Variants in ENG observed in about 807,000 individuals in gnomAD.
The protein encoded by ENG is CD105 antigen.
In ENG, 17 loss-of-function variants were observed where a neutral mutation model predicts 71.0. The ratio of observed to expected loss-of-function variants is 0.24; its 90% CI spans 0.16 to 0.36. The LOEUF is 0.36. Among genes scored for constraint, ENG ranks in the 10% least tolerant of loss-of-function variants. ENG has a pLI of 1.00. For missense variants in ENG, 749 were observed against 868.3 expected, an observed-to-expected ratio of 0.86 and a Z score of 1.73; for synonymous variants, 360 against 366.9, an observed-to-expected ratio of 0.98 and a Z score of 0.21.
chr9:127,850,496 T>C (rs1393792362), intron 1 of ENG, among the ~76,000 whole-genome samples: 1 of 152,160 alleles, frequency 6.6e-6, no homozygotes, highest in Non-Finnish European at 1.5e-5. Context: ...AGAATGCTAA[T>C]GGTCACGTCC....
intron 11 of ENG, 134 bp downstream of exon 11, chr9:127,818,582 C>G: frequency 7.3e-7 from 1 of 1,369,158 alleles, no homozygotes; most frequent in Non-Finnish European, 1.0e-6. Context: ...TCTGTCTCTC[C>G]CTCTCCCGTG....
chr9:127,825,723 G>A lies in ENG; in HGVS notation c.661C>T (p.Leu221=). Residue 221 remains leucine (L), a synonymous_variant, in exon 5 of 15, where the codon CTG becomes TTG. Transcript: ENST00000373203. The part of the protein sequence containing the change: ...GVAGHKEAHI[L]RVLPGHSAGP... ...GCCGAGTGGCCCGGCAGGACCCTCA[G>A]GATGTGCGCCTCCTTGTGGCCGGCC... The A allele has an allele frequency of 6.3e-7, 1 of 1,596,080 alleles. No individual in the cohort carries two copies. Among genetic ancestry groups the A allele is most frequent in the Non-Finnish European group, 8.5e-7 (1 of 1,174,212 alleles).
At chr9:127,839,428 C>T (rs76001241) in intron 2 of ENG, among the ~76,000 whole-genome samples, 980 of 152,328 alleles carry the variant, frequency 6.4e-3, no homozygotes, top group Middle Eastern at 0.01. Flanking sequence ...CTGGCAGCAT[C>T]ATGGGCTCAA....
chr9:127,833,648 C>T (rs961239431), intron 2 of ENG, among the ~76,000 whole-genome samples: 2 of 152,030 alleles, frequency 1.3e-5, no homozygotes, highest in African/African-American at 4.8e-5. Context: ...CAAAAGCTGC[C>T]AGTCTAAAAG....
chr9:127,842,818 C>G (rs1831071183), intron 2 of ENG, among the ~76,000 whole-genome samples: 1 of 148,616 alleles, frequency 6.7e-6, no homozygotes, highest in African/African-American at 2.6e-5. Flanking sequence ...ATAAGCAACA[C>G]TCACCTGGTC....
intron 3 of ENG, among the ~76,000 whole-genome samples, chr9:127,828,019 CAAAAAAAAAAAAA>C (rs997493323): frequency 2.9e-4 from 9 of 31,208 alleles, no homozygotes; most frequent in African/African-American, 8.1e-4. Flanking sequence ...AACTCCATCT[CAAAAAAAAAAAAA>C]AAAAAAAAAA....
At position 127,825,370 on chromosome 9, in the gene ENG, AGACGCGGAT is replaced by A. The variant is rs752983157; in HGVS notation, c.690-22_690-14del. ...CACCGTCCGGGGCCTGCGGGGAGAC[AGACGCGGAT>A]GGAACACTGAAGCGGACAGGCCAGG... is the stretch of plus-strand genomic sequence containing the variant. On this transcript the variant is annotated splice_polypyrimidine_tract_variant and intron_variant, in intron 5 of 14. Transcript: ENST00000373203. The A allele has an allele frequency of 1.2e-6, 2 of 1,608,028 alleles. No homozygotes were observed. Among genetic ancestry groups the A allele is most frequent in the Non-Finnish European group, 1.7e-6 (2 of 1,179,438 alleles).
chr9:127,848,446 C>G (rs41422444), intron 1 of ENG, among the ~76,000 whole-genome samples: 6,302 of 152,186 alleles, frequency 0.041, 227 homozygotes, highest in African/African-American at 0.097. Context: ...TTATGCCCAA[C>G]TAAATTTTAA....
chr9:127,853,840 T>TC (rs966043639), intron 1 of ENG, among the ~76,000 whole-genome samples: 3 of 152,096 alleles, frequency 2.0e-5, no homozygotes, highest in African/African-American at 7.2e-5. Flanking sequence ...CCGAAGGCAG[T>TC]CCCCCAGGAT....
rs915851248 is a variant in ENG at position 127,815,474 on chromosome 9, G to T, written c.*208C>A. On this transcript the variant is annotated 3_prime_UTR_variant, in exon 15 of 15. Coordinates refer to ENST00000373203, the MANE Select transcript of ENG (RefSeq NM_001114753.3). ...ATATCCCAGACCCACTGGGTTGAAG[G>T]TTCTGTGGGGTGGAGGGACCCCAAG... 2.0e-6 allele frequency: 2 copies of T among 981,054 alleles called. No individual in the cohort carries two copies. The highest frequency in any genetic ancestry group is 1.6e-5 in the African/African-American group (1 of 60,988). 60.8% of individuals were successfully genotyped at this position (981,054 alleles called of 1,614,324 possible).
chr9:127,830,176 T>C (rs908621200), intron 2 of ENG, among the ~76,000 whole-genome samples: 3 of 150,900 alleles, frequency 2.0e-5, no homozygotes, highest in South Asian at 2.1e-4. Context: ...ACCCCATCTG[T>C]ACTAAAAATA....
intron 1 of ENG, among the ~76,000 whole-genome samples, chr9:127,848,516 G>A (rs1049628576): frequency 3.3e-5 from 5 of 152,120 alleles, no homozygotes; most frequent in African/African-American, 4.8e-5. Flanking sequence ...ATGCCTGGCC[G>A]CAAGTGATCC....
chr9:127,848,371 C>A (rs1451603969), intron 1 of ENG, among the ~76,000 whole-genome samples: 1 of 151,834 alleles, frequency 6.6e-6, no homozygotes, highest in African/African-American at 2.4e-5. Context: ...CTCACTGCAA[C>A]CTCCACCTCC....
chr9:127,826,409 C>G, intron 4 of ENG, 101 bp downstream of exon 4: 1 of 1,497,480 alleles, frequency 6.7e-7, no homozygotes, highest in South Asian at 1.2e-5. Flanking sequence ...AGCGTGTCCC[C>G]TCCTGCACTC....
chr9:127,844,596 A>C (rs1056732153), intron 1 of ENG, among the ~76,000 whole-genome samples: 14 of 151,328 alleles, frequency 9.3e-5, no homozygotes, highest in Non-Finnish European at 1.5e-4. Context: ...CATCCAGCTA[A>C]TTTTTGCATT....
At position 127,825,830 on chromosome 9, in the gene ENG, TC is replaced by T; in HGVS notation, c.553del (p.Glu185LysfsTer37). 6.3e-7 allele frequency: 1 copy of T among 1,597,856 alleles called. No homozygotes were observed. The highest frequency in any genetic ancestry group is 1.1e-5 in the South Asian group (1 of 88,530). On this transcript the variant is annotated frameshift_variant, in exon 5 of 15. Transcript: ENST00000373203. LOFTEE classifies it high-confidence loss of function. Reference sequence around the variant, plus strand: ...CGTGCGGCCCATGTCCTGGCTGGCTTCCAGCATGCAGAAGGACAGTGACCCC... The same window carrying T: ...CGTGCGGCCCATGTCCTGGCTGGCTTCAGCATGCAGAAGGACAGTGACCCC... Reference protein sequence around the residue: ...AQGSLSFCMLEASQDMGRTLE... With the variant: ...AQGSLSFCMLXASQDMGRTLE...
At position 127,818,703 on chromosome 9, in the gene ENG, G is replaced by A. The variant is rs1219762317; in HGVS notation, c.1428+13C>T. On this transcript the variant is annotated intron_variant, in intron 11 of 14. Transcript: ENST00000373203. ...AGCTGGGAGGCCCGAGGGGTGACAG[G>A]CATGCCAGGTACCTGCACAAAGCTC... The A allele has an allele frequency of 1.2e-6, 2 of 1,612,998 alleles. No homozygotes were observed. The highest frequency in any genetic ancestry group is 1.7e-6 in the Non-Finnish European group (2 of 1,179,104).
rs1362964444 is a variant in ENG at position 127,850,620 on chromosome 9, C to A, written c.67+3669G>T. Reference sequence around the variant, plus strand: ...TAAGAGACAGGTGTTTGTGGTCTCGCTCTTGCGCCACTGACCCTTCTCCAG... The same window carrying A: ...TAAGAGACAGGTGTTTGTGGTCTCGATCTTGCGCCACTGACCCTTCTCCAG... On this transcript the variant is annotated intron_variant, in intron 1 of 14. Coordinates refer to ENST00000373203, the MANE Select transcript of ENG (RefSeq NM_001114753.3). Among the ~76,000 whole-genome samples the A allele has an allele frequency of 1.3e-5, 2 of 152,218 alleles. 1 individual carries two copies. Among genetic ancestry groups the A allele is most frequent in the South Asian group, 4.1e-4 (2 of 4,828 alleles).
intron 8 of ENG, 108 bp downstream of exon 8, chr9:127,824,196 G>T: frequency 6.6e-7 from 1 of 1,507,258 alleles, no homozygotes. Flanking sequence ...GGCTTGCAGA[G>T]GGACGTGACT....
Sources: allele counts gnomAD v4.1 joint callset (sites outside exome capture counted in the v4.1 genomes callset), GRCh38; gene constraint gnomAD v4.1.1; transcripts MANE v1.5; gene names NCBI Gene and HGNC (gene_info 2026-07-23, HGNC 2026-07-21).